Variants in CALN1 observed in about 807,000 individuals in gnomAD.
The protein encoded by CALN1 is calneuron 1, also known as calcium-binding protein 8.
A neutral mutation model predicts 30.6 loss-of-function variants in CALN1; 17 were observed. The ratio of observed to expected loss-of-function variants is 0.56; its 90% CI spans 0.38 to 0.83. CALN1 has a LOEUF of 0.83. Ranked by LOEUF, CALN1 falls within the 40% of genes least tolerant of loss-of-function variation. CALN1 has a pLI of 0.00. For synonymous variants in CALN1, 156 were observed against 131.4 expected, an observed-to-expected ratio of 1.19 and a Z score of -1.28; for missense variants, 291 against 354.9, an observed-to-expected ratio of 0.82 and a Z score of 1.45.
intron 2 of CALN1, among the ~76,000 whole-genome samples, chr7:72,387,633 C>T (rs1805315446): frequency 6.6e-6 from 1 of 152,150 alleles, no homozygotes; most frequent in South Asian, 2.1e-4. Flanking sequence ...CATGAGAAAA[C>T]CGTCAGATGA....
At chr7:72,424,375 T>A (rs890615957) in intron 1 of CALN1, among the ~76,000 whole-genome samples, 5 of 152,292 alleles carry the variant, frequency 3.3e-5, no homozygotes, top group Admixed American at 1.3e-4. Context: ...TTTTACATTT[T>A]AAAATTTTAA....
intron 2 of CALN1, among the ~76,000 whole-genome samples, chr7:72,377,445 G>GTGTGTGTGTT (rs1331945501): frequency 3.5e-4 from 51 of 147,634 alleles, no homozygotes; most frequent in African/African-American, 1.2e-3. Context: ...TCGTGTGTGT[G>GTGTGTGTGTT]TGTGTGTGTG....
intron 6 of CALN1, among the ~76,000 whole-genome samples, chr7:71,806,968 G>A (rs540569943): frequency 3.2e-4 from 48 of 152,160 alleles, no homozygotes; most frequent in Non-Finnish European, 6.2e-4. Flanking sequence ...ACTGAACAGT[G>A]GGCATAAGAA....
At chr7:72,107,489 T>C (rs562295166) in intron 3 of CALN1, among the ~76,000 whole-genome samples, 57 of 152,238 alleles carry the variant, frequency 3.7e-4, no homozygotes, top group Non-Finnish European at 7.2e-4. Flanking sequence ...GCTGTTTCAC[T>C]TGGCAGGCAA....
chr7:71,790,394 AAGAAAGAAAG>A (rs1304099076), intron 6 of CALN1, among the ~76,000 whole-genome samples: 1 of 116,310 alleles, frequency 8.6e-6, no homozygotes. Context: ...GAAAGAAAGA[AAGAAAGAAAG>A]AAAGAAAGAA....
intron 3 of CALN1, among the ~76,000 whole-genome samples, chr7:72,258,155 T>C (rs1439566901): frequency 6.6e-6 from 1 of 152,114 alleles, no homozygotes; most frequent in African/African-American, 2.4e-5. Flanking sequence ...AGCACAGAGA[T>C]ATAAAACATC....
intron 4 of CALN1, among the ~76,000 whole-genome samples, chr7:72,067,071 G>C (rs564347192): frequency 2.0e-5 from 3 of 152,130 alleles, no homozygotes; most frequent in East Asian, 1.9e-4. Context: ...TTACAGGTGT[G>C]AGCCACCACG....
chr7:72,278,210 G>A (rs1462192522), intron 3 of CALN1, among the ~76,000 whole-genome samples: 1 of 152,054 alleles, frequency 6.6e-6, no homozygotes, highest in Admixed American at 6.6e-5. Flanking sequence ...CTGTCACCTA[G>A]ACAAAGCTTC....
intron 6 of CALN1, among the ~76,000 whole-genome samples, chr7:71,808,338 T>G: frequency 6.6e-6 from 1 of 151,630 alleles, no homozygotes; most frequent in East Asian, 1.9e-4. Context: ...CTTAAAATTA[T>G]TAATTAACCA....
chr7:72,186,643 C>A (rs1202492592), intron 3 of CALN1, among the ~76,000 whole-genome samples: 5 of 152,066 alleles, frequency 3.3e-5, no homozygotes, highest in African/African-American at 1.2e-4. Context: ...GGTTAGCTCT[C>A]ACTTACAAGT....
chr7:72,377,018 T>C (rs1252115237), intron 2 of CALN1, among the ~76,000 whole-genome samples: 3 of 152,224 alleles, frequency 2.0e-5, no homozygotes, highest in Admixed American at 6.5e-5. Context: ...GGTTTTCTTT[T>C]TGGACTCTCA....
chr7:72,410,370 G>T (rs1807040870), intron 1 of CALN1, among the ~76,000 whole-genome samples: 1 of 152,152 alleles, frequency 6.6e-6, no homozygotes, highest in African/African-American at 2.4e-5. Context: ...ATCTAAAACT[G>T]CCAATCTAGG....
intron 2 of CALN1, among the ~76,000 whole-genome samples, chr7:72,338,525 G>GTGTCTGTCTGTCTTTC (rs1554378747): frequency 3.1e-4 from 38 of 122,292 alleles, no homozygotes; most frequent in African/African-American, 9.7e-4. Flanking sequence ...GTGTGTGTGT[G>GTGTCTGTCTGTCTTTC]TGTCTCACCT....
chr7:71,924,850 T>C (rs1002478735), intron 5 of CALN1, among the ~76,000 whole-genome samples: 18 of 152,230 alleles, frequency 1.2e-4, no homozygotes, highest in African/African-American at 4.3e-4. Flanking sequence ...GTCTTAAAAC[T>C]ATTAATTGCT....
chr7:72,268,930 T>C (rs1480814401), intron 3 of CALN1, among the ~76,000 whole-genome samples: 2 of 151,982 alleles, frequency 1.3e-5, no homozygotes, highest in African/African-American at 4.8e-5. Flanking sequence ...GAACCAAATA[T>C]ATGAGGCAAC....
chr7:72,196,354 A>AG (rs1791001014), intron 3 of CALN1, among the ~76,000 whole-genome samples: 1 of 152,178 alleles, frequency 6.6e-6, no homozygotes, highest in African/African-American at 2.4e-5. Flanking sequence ...CCTGAGCTCA[A>AG]GCAACCCACC....
At chr7:72,222,753 G>A (rs1470922607) in intron 3 of CALN1, among the ~76,000 whole-genome samples, 1 of 152,144 alleles carries the variant, frequency 6.6e-6, no homozygotes, top group Non-Finnish European at 1.5e-5. Flanking sequence ...AGGCGTGGTG[G>A]CTCATACCTG....
chr7:72,392,815 T>A (rs1041107270), intron 2 of CALN1, among the ~76,000 whole-genome samples: 7 of 141,988 alleles, frequency 4.9e-5, no homozygotes, highest in African/African-American at 1.9e-4. Flanking sequence ...CTGTTTAAAT[T>A]AAAAAAGACC....
At chr7:72,475,188 G>T in the CALN1 span, among the ~76,000 whole-genome samples, 2,384 of 152,290 alleles carry the variant, frequency 0.016, 58 homozygotes, top group African/African-American at 0.053. Flanking sequence ...AAGTGGCAGG[G>T]TGCGGTGGCT....
Sources: allele counts gnomAD v4.1 joint callset (sites outside exome capture counted in the v4.1 genomes callset), GRCh38; gene constraint gnomAD v4.1.1; transcripts MANE v1.5; gene names NCBI Gene and HGNC (gene_info 2026-07-23, HGNC 2026-07-21).